NSUN6: variants seen among roughly 807,000 people sequenced by gnomAD.
The protein encoded by NSUN6 is NOP2/Sun RNA methyltransferase 6.
Under a neutral mutation model 58.0 loss-of-function variants are expected in NSUN6, and 64 were observed. The ratio of observed to expected loss-of-function variants is 1.10; its 90% confidence interval spans 0.90 to 1.36. The LOEUF is 1.36. NSUN6 is among the 40% of genes most tolerant of loss of function. NSUN6 has a pLI of 0.00. For synonymous variants in NSUN6, 231 were observed against 193.9 expected (o/e 1.19, Z -1.59); for missense variants, 701 against 550.1 (o/e 1.27, Z -2.74).
At chr10:18,616,384 T>TA (rs1305025218) in intron 3 of NSUN6, 91 bp from the exon 4 acceptor site, 1 of 752,008 alleles carries the variant, frequency 1.3e-6, no homozygotes, top group Non-Finnish European at 2.3e-6. Flanking sequence ...TAATGCCTCT[T>TA]TAGTCTTAAC....
intron 3 of NSUN6, among the ~76,000 whole-genome samples, chr10:18,623,266 G>A (rs1160375151): frequency 1.7e-4 from 26 of 151,960 alleles, no homozygotes; most frequent in Non-Finnish European, 2.4e-4. Context: ...CATTTATAAT[G>A]AAAATAACTG....
At chr10:18,553,693 CAGAATGGAATGGAAATGTAACAAATGG>C (rs2054770769) in intron 8 of NSUN6, among the ~76,000 whole-genome samples, 1 of 142,530 alleles carries the variant, frequency 7.0e-6, no homozygotes, top group African/African-American at 2.6e-5. Flanking sequence ...AAAAGGAATG[CAGAATGGAATGGAAATGTAACAAATGG>C]AGAATGGAAT....
At chr10:18,623,312 A>G (rs1393228418) in intron 3 of NSUN6, among the ~76,000 whole-genome samples, 1 of 152,206 alleles carries the variant, frequency 6.6e-6, no homozygotes. Flanking sequence ...CAGAGGAAGA[A>G]AACTCCTTTT....
chr10:18,651,849 C>T, upstream of NSUN6: 2 of 985,434 alleles, frequency 2.0e-6, no homozygotes, highest in Non-Finnish European at 2.4e-6. Context: ...GGGCTAGGTG[C>T]CAGGGGCAAT....
At chr10:18,628,190 G>A (rs1225135514) in intron 3 of NSUN6, among the ~76,000 whole-genome samples, 1 of 152,256 alleles carries the variant, frequency 6.6e-6, no homozygotes, top group East Asian at 1.9e-4. Context: ...CTGCAGCTGA[G>A]GGTCCTGTCT....
intron 8 of NSUN6, among the ~76,000 whole-genome samples, chr10:18,576,613 C>T (rs1027278342): frequency 9.8e-5 from 15 of 152,334 alleles, no homozygotes; most frequent in Non-Finnish European, 2.1e-4. Flanking sequence ...GCAGGTCAGC[C>T]CCCGAGGGCC....
upstream of NSUN6, chr10:18,655,160 C>A: frequency 2.0e-6 from 2 of 982,972 alleles, no homozygotes; most frequent in Non-Finnish European, 2.4e-6. Context: ...CTTTATCTTG[C>A]TCGTATCCTT....
At chr10:18,631,022 G>A (rs1375319744) in intron 3 of NSUN6, among the ~76,000 whole-genome samples, 13 of 151,756 alleles carry the variant, frequency 8.6e-5, no homozygotes, top group South Asian at 2.1e-4. Flanking sequence ...CTGGCAAACC[G>A]AATCCAGCAG....
intron 8 of NSUN6, among the ~76,000 whole-genome samples, chr10:18,570,174 T>C (rs2056258684): frequency 6.6e-6 from 1 of 150,550 alleles, no homozygotes; most frequent in Non-Finnish European, 1.5e-5. Context: ...TTCCACTCCA[T>C]TCTCCATTCT....
At chr10:18,609,725 G>C in intron 6 of NSUN6, 120 bp downstream of exon 6, 1 of 553,496 alleles carries the variant, frequency 1.8e-6, no homozygotes, top group Non-Finnish European at 3.3e-6. Flanking sequence ...ACCAAAGGTA[G>C]ATCAGTGTAT....
intron 8 of NSUN6, among the ~76,000 whole-genome samples, chr10:18,578,979 T>C (rs1458648666): frequency 1.3e-5 from 2 of 152,188 alleles, no homozygotes; most frequent in Admixed American, 6.5e-5. Flanking sequence ...AAGTACTAGA[T>C]GATAATTATA....
chr10:18,546,894 A>G (rs2054299331), intron 10 of NSUN6, among the ~76,000 whole-genome samples: 1 of 151,998 alleles, frequency 6.6e-6, no homozygotes, highest in Non-Finnish European at 1.5e-5. Context: ...ATGAAAGAAA[A>G]GAAAAGAAAA....
At chr10:18,595,211 T>C (rs2057538737) in intron 7 of NSUN6, among the ~76,000 whole-genome samples, 1 of 152,152 alleles carries the variant, frequency 6.6e-6, no homozygotes, top group Admixed American at 6.5e-5. Flanking sequence ...CTGAATCCCA[T>C]GGACTCCTGA....
chr10:18,589,625 T>G (rs890436216), intron 7 of NSUN6, among the ~76,000 whole-genome samples: 3 of 152,140 alleles, frequency 2.0e-5, no homozygotes, highest in African/African-American at 7.2e-5. Context: ...AATAAAAGAA[T>G]TTTCAACCCA....
upstream of NSUN6, chr10:18,653,094 T>A (rs967704086): frequency 1.0e-5 from 10 of 985,150 alleles, no homozygotes; most frequent in Non-Finnish European, 1.2e-5. Context: ...TAGCCTGAAT[T>A]TCATGGTGAC....
At chr10:18,577,730 T>C (rs2056722144) in intron 8 of NSUN6, among the ~76,000 whole-genome samples, 1 of 152,244 alleles carries the variant, frequency 6.6e-6, no homozygotes, top group African/African-American at 2.4e-5. Flanking sequence ...CTTTTAAACT[T>C]AACTTCCTCG....
At chr10:18,548,283 A>C in intron 9 of NSUN6, 46 bp from the exon 10 acceptor site, 1 of 1,536,726 alleles carries the variant, frequency 6.5e-7, no homozygotes, top group Non-Finnish European at 8.8e-7. Context: ...AGACCAGATA[A>C]ACATATGAAT....
chr10:18,549,031 C>A (rs1277993112), intron 9 of NSUN6, among the ~76,000 whole-genome samples: 2 of 152,160 alleles, frequency 1.3e-5, no homozygotes, highest in Admixed American at 1.3e-4. Flanking sequence ...ACTTCATCAA[C>A]CTGCTTTATT....
At chr10:18,626,009 A>T (rs1262956247) in intron 3 of NSUN6, among the ~76,000 whole-genome samples, 1 of 152,162 alleles carries the variant, frequency 6.6e-6, no homozygotes, top group Non-Finnish European at 1.5e-5. Flanking sequence ...ACAAAAAGGC[A>T]ACAGGCAGAC....
Sources: gnomAD v4.1 joint callset for allele counts (sites outside exome capture counted in the v4.1 genomes callset) on GRCh38, gnomAD v4.1.1 for gene constraint, MANE v1.5 for transcripts, NCBI Gene and HGNC (gene_info 2026-07-23, HGNC 2026-07-21) for gene names.